CNTN5: variants seen among roughly 807,000 people sequenced by gnomAD.
CNTN5 encodes contactin-5.
In CNTN5, 77 loss-of-function variants were observed where a neutral mutation model predicts 129.1. The ratio of observed to expected loss-of-function variants is 0.60; its 90% CI spans 0.50 to 0.72. CNTN5 has a LOEUF of 0.72. CNTN5 is among the 30% of genes least tolerant of loss of function. The pLI is 0.00. For missense variants in CNTN5, 1,478 were observed against 1,328.8 expected, an observed-to-expected ratio of 1.11 and a Z score of -1.75; for synonymous variants, 509 against 465.6, an observed-to-expected ratio of 1.09 and a Z score of -1.20.
At chr11:99,361,983 T>G (rs1199989782) in intron 2 of CNTN5, among the ~76,000 whole-genome samples, 2 of 152,130 alleles carry the variant, frequency 1.3e-5, no homozygotes, top group African/African-American at 4.8e-5. Flanking sequence ...GCTTCTGCTT[T>G]TAATGAATTG....
chr11:99,120,025 C>A (rs965751705), intron 1 of CNTN5, among the ~76,000 whole-genome samples: 1 of 151,542 alleles, frequency 6.6e-6, no homozygotes, highest in African/African-American at 2.4e-5. Flanking sequence ...GGACATTAGA[C>A]CTTTGTCAGA....
chr11:99,546,431 A>T (rs778157233), intron 2 of CNTN5, among the ~76,000 whole-genome samples: 2 of 152,172 alleles, frequency 1.3e-5, no homozygotes. Flanking sequence ...TCTGTCAGAT[A>T]TATCAACTGA....
At chr11:99,111,346 T>C (rs751883418) in intron 1 of CNTN5, among the ~76,000 whole-genome samples, 52 of 151,762 alleles carry the variant, frequency 3.4e-4, no homozygotes, top group Non-Finnish European at 4.4e-4. Context: ...GTAATAGGAG[T>C]GTAGGAGTTG....
chr11:99,036,171 A>C (rs1170627973), intron 1 of CNTN5, among the ~76,000 whole-genome samples: 1 of 152,196 alleles, frequency 6.6e-6, no homozygotes, highest in African/African-American at 2.4e-5. Flanking sequence ...AATGCCAGCT[A>C]TTCAGAAATG....
chr11:99,947,399 A>G (rs958822266), intron 7 of CNTN5, among the ~76,000 whole-genome samples: 2 of 151,912 alleles, frequency 1.3e-5, no homozygotes, highest in South Asian at 2.1e-4. Context: ...GATGTAGAAA[A>G]TAAACCATTT....
At chr11:99,316,099 T>C (rs572462581) in intron 1 of CNTN5, among the ~76,000 whole-genome samples, 2 of 152,090 alleles carry the variant, frequency 1.3e-5, no homozygotes, top group African/African-American at 4.8e-5. Context: ...GTTTTCTGAT[T>C]ATGAACGCGG....
chr11:99,255,618 A>T (rs1862338366), intron 1 of CNTN5, among the ~76,000 whole-genome samples: 1 of 151,770 alleles, frequency 6.6e-6, no homozygotes, highest in Non-Finnish European at 1.5e-5. Context: ...CCACAAAAAA[A>T]TTTACATCTA....
At chr11:99,693,193 G>T (rs759961625) in intron 3 of CNTN5, among the ~76,000 whole-genome samples, 9 of 152,028 alleles carry the variant, frequency 5.9e-5, no homozygotes, top group Non-Finnish European at 1.3e-4. Flanking sequence ...GTACATGTGT[G>T]TTTTCAGTAC....
chr11:99,237,451 G>T (rs1180527939), intron 1 of CNTN5, among the ~76,000 whole-genome samples: 1 of 152,152 alleles, frequency 6.6e-6, no homozygotes, highest in Non-Finnish European at 1.5e-5. Context: ...GGGAAGCCGA[G>T]GTGGGCGCAT....
chr11:100,303,397 C>T (rs1410567371), intron 20 of CNTN5, among the ~76,000 whole-genome samples: 1 of 151,256 alleles, frequency 6.6e-6, no homozygotes, highest in Non-Finnish European at 1.5e-5. Context: ...CTTTTTCTTC[C>T]ACATTTCAAG....
chr11:99,508,391 T>C (rs537559088), intron 2 of CNTN5, among the ~76,000 whole-genome samples: 3 of 152,214 alleles, frequency 2.0e-5, no homozygotes, highest in African/African-American at 7.2e-5. Context: ...GCCCTTCGTA[T>C]GTGATGTGGA....
intron 3 of CNTN5, among the ~76,000 whole-genome samples, chr11:99,803,375 A>G (rs931711645): frequency 6.6e-6 from 1 of 152,194 alleles, no homozygotes; most frequent in African/African-American, 2.4e-5. Context: ...GGGACAGCAT[A>G]ATTCCAGTGC....
intron 3 of CNTN5, among the ~76,000 whole-genome samples, chr11:99,730,829 TA>T (rs1943505961): frequency 6.6e-6 from 1 of 152,230 alleles, no homozygotes; most frequent in South Asian, 2.1e-4. Context: ...TATTTTGAGA[TA>T]CACAATATAT....
intron 2 of CNTN5, among the ~76,000 whole-genome samples, chr11:99,515,794 G>A (rs1188703254): frequency 6.6e-6 from 1 of 151,778 alleles, no homozygotes; most frequent in Non-Finnish European, 1.5e-5. Flanking sequence ...GATGAAATAG[G>A]AATCTTTAAG....
At chr11:100,337,465 C>A in intron 21 of CNTN5, 1 of 747,206 alleles carries the variant, frequency 1.3e-6, no homozygotes, top group South Asian at 1.3e-5. Context: ...GTGATTAAGT[C>A]TTACCCAAGA....
chr11:99,237,036 T>C (rs1861305541), intron 1 of CNTN5, among the ~76,000 whole-genome samples: 1 of 152,176 alleles, frequency 6.6e-6, no homozygotes, highest in South Asian at 2.1e-4. Flanking sequence ...TGGTTATTAG[T>C]GATATAGAAA....
At chr11:99,576,455 G>T (rs573639513) in intron 3 of CNTN5, among the ~76,000 whole-genome samples, 1 of 152,004 alleles carries the variant, frequency 6.6e-6, no homozygotes, top group Non-Finnish European at 1.5e-5. Flanking sequence ...TAACCCTTTT[G>T]GTAGCCTTTC....
At chr11:100,138,512 A>T (rs982399954) in intron 13 of CNTN5, among the ~76,000 whole-genome samples, 1 of 152,132 alleles carries the variant, frequency 6.6e-6, no homozygotes, top group Non-Finnish European at 1.5e-5. Flanking sequence ...AATGCCAAAA[A>T]ATAGGAATTA....
intron 3 of CNTN5, among the ~76,000 whole-genome samples, chr11:99,751,070 C>A (rs2135217555): frequency 6.6e-6 from 1 of 152,346 alleles, no homozygotes; most frequent in Middle Eastern, 3.4e-3. Context: ...GGTGCAGTGG[C>A]TCACGCCTAT....
Sources: allele counts gnomAD v4.1 joint callset (sites outside exome capture counted in the v4.1 genomes callset), GRCh38; gene constraint gnomAD v4.1.1; transcripts MANE v1.5; gene names NCBI Gene and HGNC (gene_info 2026-07-23, HGNC 2026-07-21).